The following CNTN4 variants were observed in gnomAD, a reference collection of about 807,000 sequenced individuals.
The protein encoded by CNTN4 is contactin 4.
Under a neutral mutation model 122.5 loss-of-function variants are expected in CNTN4, and 77 were observed. That is an observed-to-expected ratio of 0.63 (90% CI 0.52 to 0.76). CNTN4 has a LOEUF of 0.76. Ranked by LOEUF, CNTN4 falls within the 30% of genes least tolerant of loss-of-function variation. CNTN4 has a pLI of 0.00. For missense variants in CNTN4, 1,256 were observed against 1,259.1 expected, an observed-to-expected ratio of 1.00 and a Z score of 0.04; for synonymous variants, 512 against 447.0, an observed-to-expected ratio of 1.15 and a Z score of -1.83.
intron 6 of CNTN4, among the ~76,000 whole-genome samples, chr3:2,765,203 G>A (rs2149721208): frequency 6.6e-6 from 1 of 152,344 alleles, no homozygotes; most frequent in South Asian, 2.1e-4. Context: ...AAGTGGCAGT[G>A]CTGAGTGTAG....
intron 2 of CNTN4, among the ~76,000 whole-genome samples, chr3:2,112,025 A>G (rs897687900): frequency 1.3e-5 from 2 of 152,156 alleles, no homozygotes; most frequent in Non-Finnish European, 2.9e-5. Flanking sequence ...GAGGAAGGCA[A>G]CATTTCCATA....
intron 3 of CNTN4, among the ~76,000 whole-genome samples, chr3:2,507,697 T>A (rs1312215309): frequency 7.0e-6 from 1 of 142,344 alleles, no homozygotes; most frequent in Non-Finnish European, 1.5e-5. Context: ...ATTGCACCAC[T>A]GCACTCCAGT....
At chr3:2,303,851 A>G (rs2042610260) in intron 2 of CNTN4, among the ~76,000 whole-genome samples, 1 of 152,190 alleles carries the variant, frequency 6.6e-6, no homozygotes, top group Non-Finnish European at 1.5e-5. Flanking sequence ...AAATCTGGGT[A>G]GGAGCACAGC....
At chr3:2,917,897 C>T (rs1041729041) in intron 12 of CNTN4, among the ~76,000 whole-genome samples, 14 of 121,268 alleles carry the variant, frequency 1.2e-4, no homozygotes, top group African/African-American at 4.3e-4. Context: ...CTCTATCAGT[C>T]ATGTGAGGCA....
intron 2 of CNTN4, among the ~76,000 whole-genome samples, chr3:2,177,257 G>A (rs2036788187): frequency 6.6e-6 from 1 of 152,056 alleles, no homozygotes; most frequent in Non-Finnish European, 1.5e-5. Flanking sequence ...TTTTATTACA[G>A]GATGGAATTC....
intron 2 of CNTN4, among the ~76,000 whole-genome samples, chr3:2,326,922 A>G (rs1156434164): frequency 6.6e-6 from 1 of 152,214 alleles, no homozygotes; most frequent in Non-Finnish European, 1.5e-5. Context: ...TTGACTATCC[A>G]TAAATCAATT....
At chr3:2,366,995 G>T (rs2045405382) in intron 3 of CNTN4, among the ~76,000 whole-genome samples, 1 of 151,902 alleles carries the variant, frequency 6.6e-6, no homozygotes, top group African/African-American at 2.4e-5. Flanking sequence ...GTACTTTGTG[G>T]GATGATCCTC....
chr3:2,238,768 C>A lies in CNTN4; in HGVS notation c.-144-100410C>A, dbSNP rs1468479342. 8.1e-5 allele frequency: 9 copies of A among 110,872 alleles called. 3 individuals are homozygous for A. Among genetic ancestry groups the A allele is most frequent in the East Asian group, 6.4e-4 (2 of 3,104 alleles). The allele number at this position is 110,872 out of a possible 1,614,324, so 6.9% of individuals were successfully genotyped here. A position where few individuals can be genotyped will look rare whatever the true frequency, so the allele number is the denominator to read the frequency against. ...TTTGAGACGGAGTCTGGCCCTGTCGCCCAGGCTGGAGTGCGGTGGCGCCAT... is the reference window on the plus strand; with the variant it reads ...TTTGAGACGGAGTCTGGCCCTGTCGACCAGGCTGGAGTGCGGTGGCGCCAT... On this transcript the variant is annotated intron_variant, in intron 2 of 24. Transcript: ENST00000418658.
chr3:2,854,212 G>A (rs1047220012), intron 7 of CNTN4, among the ~76,000 whole-genome samples: 3 of 151,856 alleles, frequency 2.0e-5, no homozygotes, highest in Admixed American at 6.6e-5. Flanking sequence ...GCAGGGAAGC[G>A]GGGAAAAGCA....
intron 7 of CNTN4, 50 bp from the exon 8 acceptor site, chr3:2,866,702 A>T: frequency 6.7e-7 from 1 of 1,500,352 alleles, no homozygotes; most frequent in Non-Finnish European, 9.3e-7. Context: ...AAAACAGTAG[A>T]GTTCCAGTGC....
At chr3:2,835,023 GC>G in intron 7 of CNTN4, among the ~76,000 whole-genome samples, 1 of 146,626 alleles carries the variant, frequency 6.8e-6, no homozygotes, top group Non-Finnish European at 1.5e-5. Flanking sequence ...TCCTGCTTCA[GC>G]CTTCCCAGTA....
chr3:2,625,977 G>C (rs557320739), intron 4 of CNTN4, among the ~76,000 whole-genome samples: 62 of 152,122 alleles, frequency 4.1e-4, no homozygotes, highest in African/African-American at 1.5e-3. Context: ...TCAGACTTTT[G>C]CCTGTTTGAC....
chr3:2,228,210 G>A (rs958447189), intron 2 of CNTN4, among the ~76,000 whole-genome samples: 4 of 151,462 alleles, frequency 2.6e-5, no homozygotes, highest in Non-Finnish European at 4.4e-5. Context: ...GCAATCCATA[G>A]CCCACTGGCC....
At chr3:2,667,351 G>A (rs1234315217) in intron 4 of CNTN4, among the ~76,000 whole-genome samples, 2 of 152,142 alleles carry the variant, frequency 1.3e-5, no homozygotes, top group Admixed American at 6.5e-5. Flanking sequence ...GTGATAATGA[G>A]CATTTTTTCA....
chr3:2,161,553 C>T (rs913496396), intron 2 of CNTN4, among the ~76,000 whole-genome samples: 19 of 151,900 alleles, frequency 1.3e-4, no homozygotes, highest in African/African-American at 4.6e-4. Flanking sequence ...AAGAATGACT[C>T]CACTTTTGAC....
At chr3:2,687,641 C>T (rs558917455) in intron 4 of CNTN4, among the ~76,000 whole-genome samples, 8 of 152,272 alleles carry the variant, frequency 5.3e-5, no homozygotes, top group Admixed American at 2.6e-4. Context: ...GATCCTGTCT[C>T]AAAAAATAAT....
chr3:2,193,192 TATC>T (rs1349285183), intron 2 of CNTN4, among the ~76,000 whole-genome samples: 1 of 152,164 alleles, frequency 6.6e-6, no homozygotes, highest in Non-Finnish European at 1.5e-5. Context: ...CCTTATCTAT[TATC>T]TCTTCAGTAC....
chr3:2,608,741 C>A (rs1320592994), intron 4 of CNTN4, among the ~76,000 whole-genome samples: 2 of 152,206 alleles, frequency 1.3e-5, no homozygotes, highest in African/African-American at 4.8e-5. Flanking sequence ...TCGGCCTGGC[C>A]TCCCAGAGTC....
intron 7 of CNTN4, among the ~76,000 whole-genome samples, chr3:2,848,181 A>G (rs369569423): frequency 3.3e-5 from 5 of 152,166 alleles, no homozygotes; most frequent in African/African-American, 9.7e-5. Flanking sequence ...TGAGGTTTCA[A>G]TGAGCTATGA....
Sources: allele counts gnomAD v4.1 joint callset (sites outside exome capture counted in the v4.1 genomes callset), GRCh38; gene constraint gnomAD v4.1.1; transcripts MANE v1.5; gene names NCBI Gene and HGNC (gene_info 2026-07-23, HGNC 2026-07-21).